Variants in IGSF21 observed in about 807,000 individuals in gnomAD.
IGSF21 encodes immunoglobulin superfamily member 21.
A neutral mutation model predicts 46.8 loss-of-function variants in IGSF21; 28 were observed. That is an observed-to-expected ratio of 0.60 (90% confidence interval 0.44 to 0.82). IGSF21 has a LOEUF of 0.82. Among genes scored for constraint, IGSF21 ranks in the 40% least tolerant of loss-of-function variants. The probability of loss-of-function intolerance (pLI) is 0.00; values close to 1 mark genes in which losing one functional copy is unlikely to be tolerated. For missense variants in IGSF21, 624 were observed against 665.5 expected (o/e 0.94, Z 0.69); for synonymous variants, 284 against 273.6 (o/e 1.04, Z -0.38).
chr1:18,339,849 C>G (rs1333921956), intron 4 of IGSF21, among the ~76,000 whole-genome samples: 4 of 152,174 alleles, frequency 2.6e-5, no homozygotes, highest in Non-Finnish European at 5.9e-5. Flanking sequence ...TGTGCCCTTG[C>G]CTCCCTTCCT....
intron 1 of IGSF21, among the ~76,000 whole-genome samples, chr1:18,126,586 G>A (rs1015256818): frequency 3.3e-5 from 5 of 152,082 alleles, no homozygotes; most frequent in African/African-American, 2.4e-5. Context: ...TCCTGACTGC[G>A]GCAGTGCCCC....
chr1:18,368,241 C>G (rs1040982081), intron 6 of IGSF21, among the ~76,000 whole-genome samples: 1 of 151,906 alleles, frequency 6.6e-6, no homozygotes, highest in Non-Finnish European at 1.5e-5. Flanking sequence ...CACAGTGTCT[C>G]ACGCCTGTAA....
chr1:18,232,007 C>A (rs2084632302), intron 2 of IGSF21, among the ~76,000 whole-genome samples: 2 of 150,000 alleles, frequency 1.3e-5, no homozygotes, highest in South Asian at 4.3e-4. Context: ...GCTCAAATCA[C>A]TTCTTTGAAA....
At chr1:18,155,558 C>T (rs937680422) in intron 1 of IGSF21, among the ~76,000 whole-genome samples, 1 of 152,218 alleles carries the variant, frequency 6.6e-6, no homozygotes, top group Non-Finnish European at 1.5e-5. Context: ...GCTGAGCTCA[C>T]GAAGGGGAAG....
intron 1 of IGSF21, among the ~76,000 whole-genome samples, chr1:18,141,784 C>A (rs1474532642): frequency 1.3e-5 from 2 of 152,176 alleles, no homozygotes; most frequent in Non-Finnish European, 2.9e-5. Context: ...AAGCACAGTT[C>A]ATGGCTGGGC....
At chr1:18,305,403 TGGATGG>T in intron 3 of IGSF21, among the ~76,000 whole-genome samples, 1 of 147,336 alleles carries the variant, frequency 6.8e-6, no homozygotes, top group South Asian at 2.2e-4. Context: ...GGATGGATAA[TGGATGG>T]ATGATGGATG....
chr1:18,344,892 C>T (rs1460835359), intron 4 of IGSF21, among the ~76,000 whole-genome samples: 2 of 152,190 alleles, frequency 1.3e-5, no homozygotes, highest in African/African-American at 4.8e-5. Context: ...ACTGTGGCCA[C>T]AGACTCCAGG....
At chr1:18,273,576 G>A (rs1362298747) in intron 2 of IGSF21, among the ~76,000 whole-genome samples, 1 of 146,568 alleles carries the variant, frequency 6.8e-6, no homozygotes. Context: ...TTGCTCTCTG[G>A]GGACAACAAA....
intron 3 of IGSF21, among the ~76,000 whole-genome samples, chr1:18,300,840 T>C (rs932237287): frequency 5.9e-5 from 9 of 152,052 alleles, no homozygotes; most frequent in Non-Finnish European, 1.2e-4. Context: ...GGGCCCCCCT[T>C]TGTCAGGTCC....
intron 5 of IGSF21, among the ~76,000 whole-genome samples, chr1:18,363,210 G>C (rs188220111): frequency 1.1e-4 from 17 of 152,328 alleles, no homozygotes. Flanking sequence ...TCTTGATCCT[G>C]TGAGTTTCGC....
chr1:18,185,958 G>A lies in IGSF21; in HGVS notation c.71-41940G>A, dbSNP rs535565170. 5.3e-5 allele frequency among the ~76,000 whole-genome samples: 8 copies of A among 152,302 alleles called. No homozygotes were observed. In the East Asian group the frequency reaches 1.5e-3, roughly 29 times the overall value. On this transcript the variant is annotated intron_variant, in intron 1 of 9. Coordinates refer to ENST00000251296, the MANE Select transcript of IGSF21 (RefSeq NM_032880.5). ...GGTCCTTGTCTCCCAGGAGCTGGGT[G>A]AGAATCTGGTGAAATAAAGTGGTGG...
rs193031960 is a variant in IGSF21, at chr1:18,250,480, C to T, written c.183+22470C>T. ...TGTGTTCACTGTGCAGTGTGTCTAA[C>T]AGGCACCTGGCCACCCACCCGTCAC... On this transcript the variant is annotated intron_variant, in intron 2 of 9. Transcript: ENST00000251296. Among the ~76,000 whole-genome samples, 28 of 152,308 alleles carry T rather than the reference C, an allele frequency of 1.8e-4. No homozygotes were observed. In the South Asian group the frequency reaches 3.9e-3, roughly 21 times the overall value.
At chr1:18,355,403 A>T (rs1036625123) in intron 4 of IGSF21, among the ~76,000 whole-genome samples, 7 of 152,224 alleles carry the variant, frequency 4.6e-5, no homozygotes, top group African/African-American at 1.7e-4. Context: ...AAAACCGATC[A>T]TCCAACCATT....
intron 2 of IGSF21, among the ~76,000 whole-genome samples, chr1:18,275,533 C>A (rs1312350035): frequency 6.6e-6 from 1 of 152,136 alleles, no homozygotes; most frequent in Non-Finnish European, 1.5e-5. Flanking sequence ...GGGACCCTCT[C>A]TCTGACGATG....
intron 3 of IGSF21, among the ~76,000 whole-genome samples, chr1:18,294,683 C>A (rs1214829918): frequency 6.6e-6 from 1 of 152,234 alleles, no homozygotes; most frequent in Non-Finnish European, 1.5e-5. Context: ...GGGCCAATCT[C>A]CCTGAGCCTC....
In IGSF21 at chr1:18,242,883, T is replaced by TG. The variant is rs200142165; in HGVS notation, c.183+14880dup. Among the ~76,000 whole-genome samples the TG allele has an allele frequency of 6.3e-3, 963 of 152,290 alleles. 16 individuals carry two copies. Among genetic ancestry groups the TG allele is most frequent in the African/African-American group, 0.021 (874 of 41,558 alleles). ...ATGCCATCCCTGGCTCACACTCTGC[T>TG]GGGGGGGACAGGTGTCATGTGACCC... On this transcript the variant is annotated intron_variant, in intron 2 of 9. Transcript: ENST00000251296.
At chr1:18,326,040 GC>G (rs11349727) in intron 3 of IGSF21, among the ~76,000 whole-genome samples, 13,862 of 151,104 alleles carry the variant, frequency 0.092, 1,722 homozygotes, top group African/African-American at 0.28. Flanking sequence ...CCCCGCCCAT[GC>G]CCCCCCCTTT....
At chr1:18,112,863 T>C (rs540564362) in intron 1 of IGSF21, 6 of 152,356 alleles carry the variant, frequency 3.9e-5, no homozygotes. Flanking sequence ...GCAAGGCCTA[T>C]GAGTGTGATC....
At chr1:18,261,585 G>T (rs1286237697) in intron 2 of IGSF21, among the ~76,000 whole-genome samples, 1 of 152,212 alleles carries the variant, frequency 6.6e-6, no homozygotes, top group Non-Finnish European at 1.5e-5. Flanking sequence ...ATAAATAGGA[G>T]TGCACAACTG....
Sources: gnomAD v4.1 joint callset for allele counts (sites outside exome capture counted in the v4.1 genomes callset) on GRCh38, gnomAD v4.1.1 for gene constraint, MANE v1.5 for transcripts, NCBI Gene and HGNC (gene_info 2026-07-23, HGNC 2026-07-21) for gene names.